The following JPH1 variants were observed in gnomAD, a reference collection of about 807,000 sequenced individuals.
JPH1 encodes the protein junctophilin 1, also known as junctophilin-1.
JPH1 carries 12 observed loss-of-function variants against 53.6 expected under a neutral mutation model. The ratio of observed to expected loss-of-function variants is 0.22; its 90% confidence interval spans 0.14 to 0.36. The LOEUF (loss-of-function observed/expected upper bound fraction) is 0.36. Ranked by LOEUF, JPH1 falls within the 10% of genes least tolerant of loss-of-function variation. The probability of loss-of-function intolerance (pLI) is 1.00; values close to 1 mark genes in which losing one functional copy is unlikely to be tolerated. For missense variants in JPH1, 808 were observed against 905.5 expected, an observed-to-expected ratio of 0.89 and a Z score of 1.38; for synonymous variants, 375 against 363.8, an observed-to-expected ratio of 1.03 and a Z score of -0.35.
intron 2 of JPH1, among the ~76,000 whole-genome samples, chr8:74,287,543 G>C (rs1387112413): frequency 1.3e-5 from 2 of 151,970 alleles, no homozygotes; most frequent in Non-Finnish European, 2.9e-5. Flanking sequence ...AAAAATCATG[G>C]GCTACTAAAT....
chr8:74,248,374 C>A (rs557161181), intron 3 of JPH1, among the ~76,000 whole-genome samples: 1 of 152,190 alleles, frequency 6.6e-6, no homozygotes, highest in South Asian at 2.1e-4. Context: ...TAAGCAGGGG[C>A]GCCTATGCTT....
rs1400126440 is a variant in JPH1, at chr8:74,315,249, T to G, written c.751A>C (p.Ser251Arg). ...AAGCTGATCGTGGAGTTGGCATCGC[T>G]GGAACTAATTCTGCTCATGGCCGCG... ...SDAAMSRISS[S>R]DANSTISFGD... The change falls in exon 2 of 6, where the codon AGC becomes CGC. Residue 251 changes from serine (S) to arginine (R), a missense_variant. By Grantham distance (110) the Ser-to-Arg change is moderately radical (BLOSUM62 -1). Coordinates refer to ENST00000342232, the MANE Select transcript of JPH1 (RefSeq NM_020647.4). This position sits in a 1 kb window ranked among gnomAD's most constrained non-coding sequence, Gnocchi z 6.3. 6.2e-7 allele frequency: 1 copy of G among 1,614,086 alleles called. No individual in the cohort carries two copies. Among genetic ancestry groups the G allele is most frequent in the Non-Finnish European group, 8.5e-7 (1 of 1,180,046 alleles).
chr8:74,271,543 T>C (rs1453255710), intron 2 of JPH1, among the ~76,000 whole-genome samples: 1 of 152,234 alleles, frequency 6.6e-6, no homozygotes, highest in African/African-American at 2.4e-5. Context: ...TGGCTGACTC[T>C]GCCCTACCTG....
At chr8:74,299,898 G>A (rs1807627076) in intron 2 of JPH1, among the ~76,000 whole-genome samples, 1 of 152,122 alleles carries the variant, frequency 6.6e-6, no homozygotes, top group African/African-American at 2.4e-5. Flanking sequence ...ATAAAGTTTT[G>A]TAGCTGAACT....
intron 4 of JPH1, 67 bp downstream of exon 4, chr8:74,244,462 C>A (rs527545944): frequency 6.0e-6 from 9 of 1,504,542 alleles, no homozygotes; most frequent in Admixed American, 4.1e-5. Flanking sequence ...TGCACAGTCA[C>A]CCCACACAGC....
chr8:74,320,868 C>T lies in JPH1; in HGVS notation c.379+41G>A, dbSNP rs774290662. ...CGCAGCCGGGGCAGAGCCCACCGCACCAGCTCGCGGAGCAGCCGAGCCGCC... is the reference window on the plus strand; with the variant it reads ...CGCAGCCGGGGCAGAGCCCACCGCATCAGCTCGCGGAGCAGCCGAGCCGCC... On this transcript the variant is annotated intron_variant, in intron 1 of 5. Transcript: ENST00000342232. This position sits in a 1 kb window ranked among gnomAD's most constrained non-coding sequence, Gnocchi z 4.4. 5 of 1,476,846 alleles carry T rather than the reference C, an allele frequency of 3.4e-6. No homozygotes were observed. Among genetic ancestry groups the T allele is most frequent in the Non-Finnish European group, 4.5e-6 (5 of 1,116,118 alleles). The allele number at this position is 1,476,846 out of a possible 1,614,324, so 91.5% of individuals were successfully genotyped here.
At chr8:74,249,310 G>A (rs1374102628) in intron 3 of JPH1, among the ~76,000 whole-genome samples, 3 of 152,220 alleles carry the variant, frequency 2.0e-5, no homozygotes, top group Non-Finnish European at 4.4e-5. Context: ...GACATTTTCT[G>A]TGGAGACTGA....
intron 1 of JPH1, among the ~76,000 whole-genome samples, chr8:74,316,096 T>C (rs16938873): frequency 0.16 from 23,770 of 152,208 alleles, 2,318 homozygotes; most frequent in South Asian, 0.32. Context: ...CCAAGAAGTA[T>C]ACAGGCTTAA....
chr8:74,278,442 T>A (rs1806912928), intron 2 of JPH1, among the ~76,000 whole-genome samples: 1 of 152,170 alleles, frequency 6.6e-6, no homozygotes, highest in Non-Finnish European at 1.5e-5. Context: ...CCCTTAGTGA[T>A]CCACTAGCAA....
chr8:74,251,107 A>G (rs1806038320), intron 3 of JPH1, among the ~76,000 whole-genome samples: 1 of 152,194 alleles, frequency 6.6e-6, no homozygotes, highest in Non-Finnish European at 1.5e-5. Flanking sequence ...GTAAAGCCAT[A>G]TACCATGGCC....
At chr8:74,249,428 A>G (rs1805970641) in intron 3 of JPH1, among the ~76,000 whole-genome samples, 1 of 152,170 alleles carries the variant, frequency 6.6e-6, no homozygotes. Context: ...TTCCTATAGG[A>G]CTTCACAGTC....
chr8:74,254,009 T>A (rs375622404), intron 3 of JPH1, among the ~76,000 whole-genome samples: 1 of 151,964 alleles, frequency 6.6e-6, no homozygotes, highest in Non-Finnish European at 1.5e-5. Flanking sequence ...TTCCAATCAA[T>A]AGAAAAAGAG....
At chr8:74,247,747 C>T (rs991808344) in intron 3 of JPH1, among the ~76,000 whole-genome samples, 1 of 151,812 alleles carries the variant, frequency 6.6e-6, no homozygotes, top group Admixed American at 6.6e-5. Flanking sequence ...TTTGTGATGC[C>T]CTCGTCACAA....
intron 2 of JPH1, among the ~76,000 whole-genome samples, chr8:74,259,939 C>T (rs1255559682): frequency 6.6e-6 from 1 of 152,224 alleles, no homozygotes; most frequent in African/African-American, 2.4e-5. Flanking sequence ...TGCCCACTGG[C>T]ATGCTGGTGA....
intron 2 of JPH1, among the ~76,000 whole-genome samples, chr8:74,296,331 A>G (rs1807521662): frequency 6.6e-6 from 1 of 152,212 alleles, no homozygotes; most frequent in African/African-American, 2.4e-5. Context: ...AGAGTGGTAT[A>G]AGCAAACATT....
intron 2 of JPH1, among the ~76,000 whole-genome samples, chr8:74,260,232 T>G (rs553211792): frequency 2.0e-5 from 3 of 152,302 alleles, no homozygotes; most frequent in Admixed American, 6.5e-5. Flanking sequence ...CTGGCAAGGA[T>G]GAAATGGATC....
chr8:74,252,954 C>A (rs565392854), intron 3 of JPH1, among the ~76,000 whole-genome samples: 2,878 of 152,086 alleles, frequency 0.019, 95 homozygotes, highest in African/African-American at 0.061. Context: ...GAGACTTTAA[C>A]ACCCCACTGT....
chr8:74,313,309 G>A (rs990850789), intron 2 of JPH1, among the ~76,000 whole-genome samples: 4 of 152,122 alleles, frequency 2.6e-5, no homozygotes, highest in Non-Finnish European at 5.9e-5. Context: ...AAACTGAAAA[G>A]CAAAGTAGAT....
intron 3 of JPH1, among the ~76,000 whole-genome samples, chr8:74,254,986 T>C (rs1450643141): frequency 6.6e-6 from 1 of 152,184 alleles, no homozygotes; most frequent in East Asian, 1.9e-4. Context: ...AATTTATAGA[T>C]TCAATGCTGT....
Sources: allele counts gnomAD v4.1 joint callset (sites outside exome capture counted in the v4.1 genomes callset), GRCh38; gene constraint gnomAD v4.1.1; non-coding constraint Gnocchi (gnomAD v3.1); transcripts MANE v1.5; gene names NCBI Gene and HGNC (gene_info 2026-07-23, HGNC 2026-07-21).